The following DLG2 variants were observed in gnomAD, a reference collection of about 807,000 sequenced individuals.
The protein encoded by DLG2 is discs large MAGUK scaffold protein 2.
A neutral mutation model predicts 132.5 loss-of-function variants in DLG2; 45 were observed. That is an observed-to-expected ratio of 0.34 (90% CI 0.27 to 0.44). The LOEUF (loss-of-function observed/expected upper bound fraction) is 0.44. Among genes scored for constraint, DLG2 ranks in the 20% least tolerant of loss-of-function variants. The probability of loss-of-function intolerance (pLI) is 1.00; values close to 1 mark genes in which losing one functional copy is unlikely to be tolerated. For synonymous variants in DLG2, 424 were observed against 419.6 expected (o/e 1.01, Z -0.13); for missense variants, 1,045 against 1,196.9 (o/e 0.87, Z 1.87).
chr11:83,643,069 T>C (rs913386854), intron 18 of DLG2, among the ~76,000 whole-genome samples: 12 of 152,148 alleles, frequency 7.9e-5, no homozygotes, highest in African/African-American at 2.9e-4. Context: ...AAGACTGCTG[T>C]GAAGATCAAA....
chr11:85,016,883 T>C (rs2059619383), intron 6 of DLG2, among the ~76,000 whole-genome samples: 1 of 150,498 alleles, frequency 6.6e-6, no homozygotes, highest in South Asian at 2.1e-4. Flanking sequence ...ACAGCCATCC[T>C]CACCCTAGGC....
At chr11:84,574,340 A>T (rs1279615023) in intron 6 of DLG2, among the ~76,000 whole-genome samples, 1 of 151,500 alleles carries the variant, frequency 6.6e-6, no homozygotes, top group Non-Finnish European at 1.5e-5. Flanking sequence ...TTATTCCCCT[A>T]AACTAATATT....
At chr11:85,467,923 G>A (rs918164590) in intron 3 of DLG2, among the ~76,000 whole-genome samples, 4 of 152,202 alleles carry the variant, frequency 2.6e-5, no homozygotes, top group Admixed American at 2.6e-4. Flanking sequence ...GAATCCAGCT[G>A]TGAATCCATC....
chr11:84,185,349 C>G (rs1331311272), intron 8 of DLG2, among the ~76,000 whole-genome samples: 1 of 152,118 alleles, frequency 6.6e-6, no homozygotes, highest in Non-Finnish European at 1.5e-5. Context: ...AATGGGAGTT[C>G]ACTCATGATT....
At chr11:85,168,895 G>T (rs1288589960) in intron 4 of DLG2, among the ~76,000 whole-genome samples, 3 of 151,984 alleles carry the variant, frequency 2.0e-5, no homozygotes, top group Admixed American at 2.0e-4. Flanking sequence ...AATAAAAAAG[G>T]TTTCTATAAA....
intron 3 of DLG2, chr11:85,524,878 G>A (rs988899487): frequency 6.6e-6 from 1 of 152,058 alleles, no homozygotes; most frequent in Non-Finnish European, 1.5e-5. Context: ...TTGTTTCAGG[G>A]TGGACACAAG....
chr11:85,547,063 T>G (rs967816386), intron 3 of DLG2, among the ~76,000 whole-genome samples: 8 of 152,154 alleles, frequency 5.3e-5, no homozygotes, highest in Non-Finnish European at 1.0e-4. Flanking sequence ...CAGCTGGTTA[T>G]TTTGCCCATT....
At chr11:84,835,893 T>C (rs192423390) in intron 6 of DLG2, among the ~76,000 whole-genome samples, 148 of 151,896 alleles carry the variant, frequency 9.7e-4, no homozygotes, top group Non-Finnish European at 1.7e-3. Flanking sequence ...TGGAAAAATG[T>C]AGAATTTAAT....
chr11:84,944,186 T>C lies in DLG2; in HGVS notation c.357+167475A>G, dbSNP rs1000796869. Among the ~76,000 whole-genome samples, 4 of 152,172 alleles carry C rather than the reference T, an allele frequency of 2.6e-5. No individual in the cohort carries two copies. The East Asian group carries it at 7.7e-4, about 29-fold the overall frequency. On this transcript the variant is annotated intron_variant, in intron 6 of 27. Coordinates refer to ENST00000376104, the MANE Select transcript of DLG2 (RefSeq NM_001142699.3). ...TTATCCTTGACCTTTGGGAGTTTGA[T>C]TATTAAATGTTGTGCAGTAGTCTTC...
At chr11:85,114,763 C>T (rs538815058) in intron 5 of DLG2, among the ~76,000 whole-genome samples, 2 of 152,002 alleles carry the variant, frequency 1.3e-5, no homozygotes, top group East Asian at 3.9e-4. Flanking sequence ...ACAAAGAACT[C>T]GAAAAGTGAC....
intron 19 of DLG2, among the ~76,000 whole-genome samples, chr11:83,585,977 G>T (rs958662155): frequency 6.6e-6 from 1 of 152,090 alleles, no homozygotes; most frequent in African/African-American, 2.4e-5. Flanking sequence ...GAGAAACTAG[G>T]GCAAATAAAA....
At chr11:83,708,974 C>T (rs900601443) in intron 18 of DLG2, among the ~76,000 whole-genome samples, 1 of 152,020 alleles carries the variant, frequency 6.6e-6, no homozygotes. Context: ...TAGTATGAGG[C>T]TGCTGGTGCC....
intron 18 of DLG2, among the ~76,000 whole-genome samples, chr11:83,718,024 CTCCGTACT>C (rs1235075605): frequency 1.3e-5 from 2 of 152,196 alleles, no homozygotes; most frequent in Admixed American, 6.5e-5. Context: ...TTCAAACCTG[CTCCGTACT>C]CCCTCTGGGG....
chr11:84,983,295 C>A (rs1189521835), intron 6 of DLG2, among the ~76,000 whole-genome samples: 2 of 152,156 alleles, frequency 1.3e-5, no homozygotes, highest in African/African-American at 4.8e-5. Context: ...GAGAGACCCA[C>A]AGACGGTTCA....
intron 7 of DLG2, among the ~76,000 whole-genome samples, chr11:84,502,204 T>TC (rs1491550487): frequency 0.019 from 99 of 5,252 alleles, 6 homozygotes; most frequent in African/African-American, 0.043. Flanking sequence ...CTCTCTCTCC[T>TC]TCCTTCCTTC....
chr11:83,731,440 A>T (rs570189426), intron 18 of DLG2, among the ~76,000 whole-genome samples: 1 of 152,304 alleles, frequency 6.6e-6, no homozygotes, highest in East Asian at 1.9e-4. Context: ...TTCCAGCTTC[A>T]TCCATGTCCC....
At chr11:85,240,274 C>A (rs2075811377) in intron 4 of DLG2, among the ~76,000 whole-genome samples, 1 of 151,684 alleles carries the variant, frequency 6.6e-6, no homozygotes, top group Non-Finnish European at 1.5e-5. Flanking sequence ...ATTATATGAT[C>A]ATTATATATT....
chr11:84,966,631 A>C (rs1391186704), intron 6 of DLG2, among the ~76,000 whole-genome samples: 1 of 152,122 alleles, frequency 6.6e-6, no homozygotes, highest in Non-Finnish European at 1.5e-5. Context: ...ATATTTTTAG[A>C]AAGGCAACTT....
chr11:83,493,179 C>A (rs756800442), intron 21 of DLG2, among the ~76,000 whole-genome samples: 2 of 152,006 alleles, frequency 1.3e-5, no homozygotes, highest in Admixed American at 1.3e-4. Context: ...TCTTGCTGTT[C>A]CCTCTGCTTG....
Sources: allele counts gnomAD v4.1 joint callset (sites outside exome capture counted in the v4.1 genomes callset), GRCh38; gene constraint gnomAD v4.1.1; transcripts MANE v1.5; gene names NCBI Gene and HGNC (gene_info 2026-07-23, HGNC 2026-07-21).